ELF2: variants seen among roughly 807,000 people sequenced by gnomAD.
The protein encoded by ELF2 is E74 like ETS transcription factor 2, also known as ETS-related transcription factor Elf-2.
Under a neutral mutation model 54.8 loss-of-function variants are expected in ELF2, and 11 were observed. That is an observed-to-expected ratio of 0.20 (90% CI 0.13 to 0.33). ELF2 has a LOEUF of 0.33. ELF2 is among the 10% of genes least tolerant of loss of function. The pLI is 1.00. For synonymous variants in ELF2, 203 were observed against 245.1 expected, an observed-to-expected ratio of 0.83 and a Z score of 1.61; for missense variants, 513 against 703.0, an observed-to-expected ratio of 0.73 and a Z score of 3.06.
chr4:139,120,310 G>T (rs1483955095), intron 4 of ELF2, among the ~76,000 whole-genome samples: 1 of 152,144 alleles, frequency 6.6e-6, no homozygotes, highest in Non-Finnish European at 1.5e-5. Flanking sequence ...AGCCCTTTCT[G>T]TTCCTGTTGC....
chr4:139,117,578 C>T (rs1411202921), intron 4 of ELF2, among the ~76,000 whole-genome samples: 1 of 152,074 alleles, frequency 6.6e-6, no homozygotes, highest in African/African-American at 2.4e-5. Context: ...GCCTGTAATC[C>T]CAGCTACTGA....
chr4:139,137,908 C>G lies in ELF2; in HGVS notation c.-166-41G>C, dbSNP rs553004495. The G allele has an allele frequency of 2.2e-5, 27 of 1,245,938 alleles. No individual in the cohort carries two copies. The South Asian group carries it at 4.6e-4, about 21-fold the overall frequency. The allele number at this position is 1,245,938 out of a possible 1,614,324, so 77.2% of individuals were successfully genotyped here. A position where few individuals can be genotyped will look rare whatever the true frequency, so the allele number is the denominator to read the frequency against. On this transcript the variant is annotated intron_variant, in intron 2 of 9. Coordinates refer to ENST00000686138, the MANE Select transcript of ELF2 (RefSeq NM_001331036.3). ...ATTTGAAAAGTTATTTTAAAAATTACAGGAAGGACATAAATAAAGCATAAC... is the reference window on the plus strand; with the variant it reads ...ATTTGAAAAGTTATTTTAAAAATTAGAGGAAGGACATAAATAAAGCATAAC...
chr4:139,078,217 T>C (rs1275773011), intron 4 of ELF2, among the ~76,000 whole-genome samples: 1 of 152,198 alleles, frequency 6.6e-6, no homozygotes, highest in African/African-American at 2.4e-5. Flanking sequence ...GCAATGGATC[T>C]AGTTCATAAA....
intron 4 of ELF2, among the ~76,000 whole-genome samples, chr4:139,093,970 C>G (rs762337714): frequency 8.2e-5 from 12 of 145,672 alleles, no homozygotes; most frequent in Non-Finnish European, 1.8e-4. Context: ...GTGATCTCCG[C>G]TCACTGCAAC....
At chr4:139,142,780 C>T (rs1042302356) in intron 1 of ELF2, among the ~76,000 whole-genome samples, 4 of 151,732 alleles carry the variant, frequency 2.6e-5, no homozygotes, top group African/African-American at 7.3e-5. Flanking sequence ...GTCCCAGCTA[C>T]TCGGGACGCT....
rs1269023266 is a variant in ELF2, at chr4:139,177,174, C to G, written c.-459G>C. On this transcript the variant is annotated 5_prime_UTR_variant, in exon 1 of 10. Transcript: ENST00000686138. ...CCGCGCCGCCCCACCGACCCCCAACCGCCTAGGCGACGGCGGCGACACAGA... is the reference window on the plus strand; with the variant it reads ...CCGCGCCGCCCCACCGACCCCCAACGGCCTAGGCGACGGCGGCGACACAGA... 6.6e-6 allele frequency: 1 copy of G among 152,236 alleles called. No homozygotes were observed. Among genetic ancestry groups the G allele is most frequent in the African/African-American group, 2.4e-5 (1 of 41,402 alleles). The allele number at this position is 152,236 out of a possible 1,614,324, so 9.4% of individuals were successfully genotyped here. A position where few individuals can be genotyped will look rare whatever the true frequency, so the allele number is the denominator to read the frequency against.
In ELF2 at chr4:139,151,839, T is replaced by G. The variant is rs1036216878; in HGVS notation, c.-251-12342A>C. On this transcript the variant is annotated intron_variant, in intron 1 of 9. Transcript: ENST00000686138. ...TACTATTTACTAACCCTTTGACAAA[T>G]TCTCTTTTTATAATTTTCCAACAGG... Among the ~76,000 whole-genome samples, 3 of 152,354 alleles carry G rather than the reference T, an allele frequency of 2.0e-5. No homozygotes were observed. In the East Asian group the frequency reaches 5.8e-4, roughly 29 times the overall value.
At position 139,078,806 on chromosome 4, in the gene ELF2, A is replaced by C. The variant is rs566559736; in HGVS notation, c.239-5239T>G. Among the ~76,000 whole-genome samples the C allele has an allele frequency of 2.3e-4, 35 of 152,318 alleles. 1 individual carries two copies. In the South Asian group the frequency reaches 6.6e-3, roughly 29 times the overall value. On this transcript the variant is annotated intron_variant, in intron 4 of 9. Coordinates refer to ENST00000686138, the MANE Select transcript of ELF2 (RefSeq NM_001331036.3). ...ATCTGAGGACACTTTTACACTCAAA[A>C]TACTGAAGACCTCGAGATTTTATCT...
At chr4:139,170,357 C>T (rs943589686) in intron 1 of ELF2, among the ~76,000 whole-genome samples, 6 of 145,650 alleles carry the variant, frequency 4.1e-5, no homozygotes, top group African/African-American at 1.5e-4. Flanking sequence ...CTCTGCCTCC[C>T]GGGTTCAAGC....
intron 1 of ELF2, among the ~76,000 whole-genome samples, chr4:139,151,072 GA>G (rs1192571929): frequency 8.1e-6 from 1 of 123,584 alleles, no homozygotes; most frequent in Non-Finnish European, 1.9e-5. Flanking sequence ...AAGAAAGAAA[GA>G]AAGAAAGAAA....
In ELF2 at chr4:139,162,890, A is replaced by C. The variant is rs148995901; in HGVS notation, c.-252+14077T>G. 1.1e-4 allele frequency among the ~76,000 whole-genome samples: 17 copies of C among 152,254 alleles called. No individual in the cohort carries two copies. The East Asian group carries it at 3.3e-3, about 29-fold the overall frequency. On this transcript the variant is annotated intron_variant, in intron 1 of 9. Coordinates refer to ENST00000686138, the MANE Select transcript of ELF2 (RefSeq NM_001331036.3). ...AACAGGAGGATTACTTAAGGCCAGGAGTCCAAGACCAGCCTGAGCAACACG... is the reference window on the plus strand; with the variant it reads ...AACAGGAGGATTACTTAAGGCCAGGCGTCCAAGACCAGCCTGAGCAACACG...
At chr4:139,152,025 T>C (rs1180391631) in intron 1 of ELF2, among the ~76,000 whole-genome samples, 2 of 152,164 alleles carry the variant, frequency 1.3e-5, no homozygotes, top group Admixed American at 1.3e-4. Flanking sequence ...TATATGACAT[T>C]CAAGAAAAGA....
intron 3 of ELF2, among the ~76,000 whole-genome samples, chr4:139,127,200 A>G (rs912095509): frequency 5.9e-5 from 9 of 152,214 alleles, no homozygotes; most frequent in African/African-American, 2.2e-4. Flanking sequence ...GCTTTGATCT[A>G]CTATGTGTTG....
intron 1 of ELF2, 116 bp from the exon 2 acceptor site, chr4:139,139,613 C>T (rs1015988801): frequency 2.4e-6 from 1 of 421,350 alleles, no homozygotes; most frequent in African/African-American, 2.1e-5. Context: ...CTTCCAAAGC[C>T]ATATGTCGCA....
intron 4 of ELF2, among the ~76,000 whole-genome samples, chr4:139,081,725 T>G (rs1202215505): frequency 1.3e-5 from 2 of 152,180 alleles, no homozygotes; most frequent in Non-Finnish European, 2.9e-5. Context: ...TTTAGAATCA[T>G]GATTCCTAAT....
chr4:139,106,909 A>AT (rs939155097), intron 4 of ELF2, among the ~76,000 whole-genome samples: 49 of 146,450 alleles, frequency 3.3e-4, no homozygotes, highest in East Asian at 2.4e-3. Context: ...ATGCCTGGCT[A>AT]TTTTTTTTTT....
At chr4:139,144,511 C>T (rs1373447901) in intron 1 of ELF2, among the ~76,000 whole-genome samples, 4 of 152,126 alleles carry the variant, frequency 2.6e-5, no homozygotes, top group Admixed American at 1.3e-4. Context: ...CTGAACTGGG[C>T]GGATGACTGG....
chr4:139,125,689 G>A (rs1262114887), intron 3 of ELF2, among the ~76,000 whole-genome samples: 1 of 150,896 alleles, frequency 6.6e-6, no homozygotes, highest in African/African-American at 2.4e-5. Context: ...ACAAGAAGAG[G>A]TAAGAACAAC....
At chr4:139,078,563 G>C (rs1040326683) in intron 4 of ELF2, among the ~76,000 whole-genome samples, 1 of 146,690 alleles carries the variant, frequency 6.8e-6, no homozygotes, top group African/African-American at 2.5e-5. Flanking sequence ...AAAGGAAAAA[G>C]AATGGCAATT....
Sources: allele counts gnomAD v4.1 joint callset (sites outside exome capture counted in the v4.1 genomes callset), GRCh38; gene constraint gnomAD v4.1.1; transcripts MANE v1.5; gene names NCBI Gene and HGNC (gene_info 2026-07-23, HGNC 2026-07-21).